Variants in DSCAM observed in about 807,000 individuals in gnomAD.
DSCAM encodes cell adhesion molecule DSCAM.
In DSCAM, 47 loss-of-function variants were observed where a neutral mutation model predicts 217.7. The ratio of observed to expected loss-of-function variants is 0.22; its 90% confidence interval spans 0.17 to 0.28. DSCAM has a LOEUF of 0.28. Among genes scored for constraint, DSCAM ranks in the 10% least tolerant of loss-of-function variants. The probability of loss-of-function intolerance (pLI) is 1.00; values close to 1 mark genes in which losing one functional copy is unlikely to be tolerated. For synonymous variants in DSCAM, 1,056 were observed against 1,015.3 expected, an observed-to-expected ratio of 1.04 and a Z score of -0.76; for missense variants, 2,080 against 2,618.3, an observed-to-expected ratio of 0.79 and a Z score of 4.49.
chr21:40,566,178 G>C (rs2076762937), intron 3 of DSCAM, among the ~76,000 whole-genome samples: 1 of 151,952 alleles, frequency 6.6e-6, no homozygotes. Flanking sequence ...TGTGCTTTGG[G>C]AGACAGGGCA....
At chr21:40,461,250 G>A (rs1475135319) in intron 3 of DSCAM, among the ~76,000 whole-genome samples, 3 of 152,138 alleles carry the variant, frequency 2.0e-5, no homozygotes, top group African/African-American at 7.2e-5. Flanking sequence ...CGAGAAACTG[G>A]TGTTTGCCTA....
intron 27 of DSCAM, among the ~76,000 whole-genome samples, chr21:40,069,094 A>T: frequency 6.6e-6 from 1 of 152,066 alleles, no homozygotes; most frequent in East Asian, 1.9e-4. Flanking sequence ...TCAGAAAAAA[A>T]AAAAAAAGAA....
In DSCAM at chr21:40,338,333, T is replaced by G; in HGVS notation, c.1551A>C (p.Ala517=). The part of the protein sequence containing the change: ...IRPMKNITAI[A]GRDTYIHCRV... ...GACAGTGAATGTATGTGTCCCGTCC[T>G]GCTATTGCTGTGATGTTTTTCATTG... is the stretch of plus-strand genomic sequence containing the variant. The change falls in exon 8 of 33, where the codon GCA becomes GCC. Residue 517 remains alanine (A), a synonymous_variant. Transcript: ENST00000400454. The G allele has an allele frequency of 6.2e-7, 1 of 1,614,132 alleles. No individual in the cohort carries two copies. The highest frequency in any genetic ancestry group is 8.5e-7 in the Non-Finnish European group (1 of 1,179,930).
intron 11 of DSCAM, among the ~76,000 whole-genome samples, chr21:40,254,852 A>G (rs2073350211): frequency 6.6e-6 from 1 of 151,924 alleles, no homozygotes; most frequent in African/African-American, 2.4e-5. Flanking sequence ...CTCAAAAATC[A>G]GCGTCCTCAG....
chr21:40,042,960 CTGCTTTTA>C (rs1182996998), intron 31 of DSCAM, among the ~76,000 whole-genome samples: 1 of 152,186 alleles, frequency 6.6e-6, no homozygotes, highest in African/African-American at 2.4e-5. Flanking sequence ...AAAAAAAATC[CTGCTTTTA>C]GTGAAAACAG....
intron 1 of DSCAM, among the ~76,000 whole-genome samples, chr21:40,838,282 A>T (rs1383461397): frequency 6.6e-6 from 1 of 152,234 alleles, no homozygotes; most frequent in African/African-American, 2.4e-5. Context: ...AGATTAATCA[A>T]TGGTAAGAGA....
At position 40,692,873 on chromosome 21, in the gene DSCAM, A is replaced by G. The variant is rs775339460; in HGVS notation, c.445T>C (p.Ser149Pro). 1 of 1,613,844 alleles carries G rather than the reference A, an allele frequency of 6.2e-7. No homozygotes were observed. Among genetic ancestry groups the G allele is most frequent in the Admixed American group, 1.7e-5 (1 of 59,998 alleles). The change falls in exon 3 of 33, where the codon TCC becomes CCC. Residue 149 changes from serine (S) to proline (P), a missense_variant. Physicochemically the swap from Ser to Pro is moderately conservative, Grantham distance 74 (BLOSUM62 -1). This residue lies in a region of DSCAM where 568 missense variants were observed against 678.1 expected (regional missense o/e 0.84). Coordinates refer to ENST00000400454, the MANE Select transcript of DSCAM (RefSeq NM_001389.5). ...ACAGTGATGTACGCCTCCACCGAGG[A>G]GGGGATAATGCACTTGAAGACCGCA... ...NVAVFKCIIP[S>P]SVEAYITVVS...
intron 3 of DSCAM, among the ~76,000 whole-genome samples, chr21:40,389,052 T>C (rs1250102765): frequency 1.3e-5 from 2 of 152,194 alleles, no homozygotes; most frequent in Admixed American, 6.5e-5. Flanking sequence ...TTAATAAAAG[T>C]AGGATATTCC....
chr21:40,193,990 G>T (rs2090981574), intron 11 of DSCAM, among the ~76,000 whole-genome samples: 1 of 152,154 alleles, frequency 6.6e-6, no homozygotes, highest in Non-Finnish European at 1.5e-5. Flanking sequence ...AAAAACTGCA[G>T]CATTGTTTTG....
intron 11 of DSCAM, among the ~76,000 whole-genome samples, chr21:40,255,417 T>C (rs2837538): frequency 0.1 from 15,405 of 152,186 alleles, 1,928 homozygotes; most frequent in African/African-American, 0.27. Context: ...CTCATAGCAA[T>C]ACAGTAGGCA....
chr21:40,083,779 T>C (rs2089494431), intron 24 of DSCAM, 129 bp downstream of exon 24: 3 of 569,458 alleles, frequency 5.3e-6, no homozygotes, highest in Middle Eastern at 3.1e-4. Context: ...AATGGAGGGA[T>C]TGTTTATATG....
intron 3 of DSCAM, among the ~76,000 whole-genome samples, chr21:40,577,497 C>T (rs1453265433): frequency 1.3e-5 from 2 of 152,124 alleles, no homozygotes; most frequent in African/African-American, 2.4e-5. Flanking sequence ...GAGCCCGGAG[C>T]GAGACTGGCT....
intron 3 of DSCAM, among the ~76,000 whole-genome samples, chr21:40,609,762 C>G (rs944275552): frequency 1.3e-5 from 2 of 152,106 alleles, no homozygotes; most frequent in African/African-American, 4.8e-5. Context: ...AAATAGAAAC[C>G]CTTATTAGAA....
intron 3 of DSCAM, among the ~76,000 whole-genome samples, chr21:40,675,390 TTG>T: frequency 1.4e-5 from 2 of 141,588 alleles, no homozygotes; most frequent in Non-Finnish European, 3.1e-5. Context: ...AAATGTATAC[TTG>T]GGCCTATTTG....
intron 15 of DSCAM, among the ~76,000 whole-genome samples, chr21:40,174,035 C>T (rs1290371510): frequency 6.6e-6 from 1 of 152,158 alleles, no homozygotes; most frequent in East Asian, 1.9e-4. Context: ...TGGTCTGTAG[C>T]AAGGGTTAGC....
At chr21:40,031,327 C>A (rs746056587) in intron 32 of DSCAM, among the ~76,000 whole-genome samples, 5 of 152,080 alleles carry the variant, frequency 3.3e-5, no homozygotes, top group Admixed American at 6.5e-5. Context: ...AAGAAGGCTG[C>A]CCAGGCTAAC....
At chr21:40,234,392 A>G (rs925306207) in intron 11 of DSCAM, among the ~76,000 whole-genome samples, 1 of 152,218 alleles carries the variant, frequency 6.6e-6, no homozygotes, top group African/African-American at 2.4e-5. Flanking sequence ...TCAGAGGCTG[A>G]TGCAAGGATA....
intron 3 of DSCAM, among the ~76,000 whole-genome samples, chr21:40,474,826 T>C (rs1225664871): frequency 6.6e-6 from 1 of 152,164 alleles, no homozygotes; most frequent in African/African-American, 2.4e-5. Flanking sequence ...AGGGGAACGT[T>C]GTTCTTGCCG....
chr21:40,530,509 G>A (rs2076434929), intron 3 of DSCAM, among the ~76,000 whole-genome samples: 2 of 152,134 alleles, frequency 1.3e-5, no homozygotes, highest in Admixed American at 1.3e-4. Context: ...ACAATTCTGA[G>A]CAATTGCATA....
Sources: gnomAD v4.1 joint callset for allele counts (sites outside exome capture counted in the v4.1 genomes callset) on GRCh38, gnomAD v4.1.1 for gene constraint, gnomAD v4.1.1 regional missense constraint, MANE v1.5 for transcripts, NCBI Gene and HGNC (gene_info 2026-07-23, HGNC 2026-07-21) for gene names.